Variants in ZNF343 observed in about 807,000 individuals in gnomAD.
ZNF343 encodes the protein zinc finger protein 343.
ZNF343 carries 11 observed loss-of-function variants against 13.8 expected under a neutral mutation model. The observed-to-expected ratio is 0.80, with a 90% confidence interval of 0.50 to 1.32. ZNF343 has a LOEUF of 1.32. Among genes scored for constraint, ZNF343 ranks in the 40% most tolerant of loss-of-function variants. The pLI, the probability that ZNF343 is intolerant of heterozygous loss-of-function variation, is 0.00. For synonymous variants in ZNF343, 248 were observed against 260.0 expected, an observed-to-expected ratio of 0.95 and a Z score of 0.44; for missense variants, 658 against 714.2, an observed-to-expected ratio of 0.92 and a Z score of 0.90.
upstream of ZNF343, among the ~76,000 whole-genome samples, chr20:2,513,256 C>T (rs552238864): frequency 6.6e-6 from 1 of 152,214 alleles, no homozygotes; most frequent in East Asian, 1.9e-4. Flanking sequence ...ATTTCTATGA[C>T]TCAATAACAA....
rs61043105 is a variant in ZNF343 at position 2,519,015 on chromosome 20, C to T, written c.-347+5440G>A. Among the ~76,000 whole-genome samples the T allele has an allele frequency of 9.5e-3, 1,448 of 152,300 alleles. 21 individuals are homozygous for T. Among genetic ancestry groups the T allele is most frequent in the African/African-American group, 0.033 (1,372 of 41,556 alleles). ...TGCCTTGCTTCCCCTTCACCTTCCACCATGATTGTAAGTTTCCTGAGGCCT... is the reference window on the plus strand; with the variant it reads ...TGCCTTGCTTCCCCTTCACCTTCCATCATGATTGTAAGTTTCCTGAGGCCT... On this transcript the variant is annotated intron_variant, in intron 1 of 6. Transcript: ENST00000358413.
intron 2 of ZNF343, among the ~76,000 whole-genome samples, chr20:2,497,458 G>A (rs898508359): frequency 6.6e-6 from 1 of 152,200 alleles, no homozygotes; most frequent in South Asian, 2.1e-4. Context: ...CAGTACTGGA[G>A]CCAAGTGACA....
At chr20:2,498,381 G>A (rs1262942058) in intron 2 of ZNF343, among the ~76,000 whole-genome samples, 1 of 152,200 alleles carries the variant, frequency 6.6e-6, no homozygotes, top group Non-Finnish European at 1.5e-5. Flanking sequence ...GTGCTTTGGT[G>A]CTGAAGAAGA....
chr20:2,511,785 A>G (rs1175999791), upstream of ZNF343, among the ~76,000 whole-genome samples: 1 of 152,246 alleles, frequency 6.6e-6, no homozygotes, highest in African/African-American at 2.4e-5. Context: ...CATGGGATGC[A>G]ATTATGACAG....
In ZNF343 at chr20:2,484,176, G is replaced by A. The variant is rs752788583; in HGVS notation, c.785C>T (p.Thr262Ile). 1 of 1,614,176 alleles carries A rather than the reference G, an allele frequency of 6.2e-7. No individual in the cohort carries two copies. The change falls in exon 6 of 6, where the codon ACC (threonine) becomes ATC (isoleucine). Residue 262 changes from threonine (T) to isoleucine (I), a missense_variant. By Grantham distance (89) the Thr-to-Ile change is moderately conservative (BLOSUM62 -1). Transcript: ENST00000278772. ...LESNFITNPR[T>I]LLGKKPYICS... ...AATGTAGGGCTTCTTCCCTAAGAGG[G>A]TCCTCGGGTTTGTAATAAAGTTTGA...
intron 2 of ZNF343, among the ~76,000 whole-genome samples, chr20:2,499,337 C>T (rs1386904689): frequency 5.0e-5 from 6 of 120,658 alleles, no homozygotes. Flanking sequence ...TAGTGGCGGG[C>T]ACCTGTAGTC....
intron 1 of ZNF343, among the ~76,000 whole-genome samples, chr20:2,521,666 G>C (rs1466358579): frequency 6.6e-6 from 1 of 152,170 alleles, no homozygotes; most frequent in Non-Finnish European, 1.5e-5. Flanking sequence ...CTAGCCAGTG[G>C]GTATATGGTG....
At chr20:2,494,431 TTC>T in intron 2 of ZNF343, among the ~76,000 whole-genome samples, 1 of 152,200 alleles carries the variant, frequency 6.6e-6, no homozygotes, top group South Asian at 2.1e-4. Context: ...AGAACTCAGC[TTC>T]TGATTCCCCT....
rs375560840 is a variant in ZNF343 at position 2,483,161 on chromosome 20, T to G, written c.1800A>C (p.Ter600CysextTer14). ...CCCCTGCATACACAGGTTTCTCCCG[T>G]CAGTGTGTCCTCTGGTGTCTGATGA... ...SNLIRHQRTH[*>C] Residue 600 changes from the stop codon to cysteine (C), a stop_lost, in exon 6 of 6, where the codon TGA becomes TGC. Coordinates refer to ENST00000278772, the MANE Select transcript of ZNF343 (RefSeq NM_024325.6). The G allele has an allele frequency of 8.0e-5, 128 of 1,601,882 alleles. No individual in the cohort carries two copies. The highest frequency in any genetic ancestry group is 7.8e-4 in the East Asian group (35 of 44,822).
intron 1 of ZNF343, among the ~76,000 whole-genome samples, chr20:2,514,764 T>C (rs2085751916): frequency 1.3e-5 from 2 of 152,072 alleles, no homozygotes; most frequent in Non-Finnish European, 2.9e-5. Context: ...GGCAGATCAC[T>C]TGAAGCCAGG....
chr20:2,488,766 C>T (rs762583007), intron 5 of ZNF343, among the ~76,000 whole-genome samples: 2 of 152,030 alleles, frequency 1.3e-5, no homozygotes, highest in Non-Finnish European at 2.9e-5. Context: ...TTTTTGAGGC[C>T]GTGCATTGTG....
At chr20:2,502,913 A>C (rs1463706283) in intron 1 of ZNF343, among the ~76,000 whole-genome samples, 2 of 152,224 alleles carry the variant, frequency 1.3e-5, no homozygotes, top group African/African-American at 2.4e-5. Flanking sequence ...ACTAACGAGC[A>C]AAATAACCAG....
chr20:2,483,133 T>C lies in ZNF343; in HGVS notation c.*28A>G, dbSNP rs1600016482. On this transcript the variant is annotated 3_prime_UTR_variant, in exon 6 of 6. Transcript: ENST00000278772. ...TGACTGGTCACTCAGGTCTTGTTCA[T>C]GACCCCTGCATACACAGGTTTCTCC... 2 of 1,576,274 alleles carry C rather than the reference T, an allele frequency of 1.3e-6. No homozygotes were observed. Among genetic ancestry groups the C allele is most frequent in the Admixed American group, 1.8e-5 (1 of 57,028 alleles).
In ZNF343 at chr20:2,499,464, C is replaced by CA. The variant is rs35155995; in HGVS notation, c.-150+1191dup. ...TGGGCGACAGAGCGAGACTCCGTCT[C>CA]AAAAAAAAAAAAAAAAAAAAAAAAA... On this transcript the variant is annotated intron_variant, in intron 2 of 5. Transcript: ENST00000278772. Among the ~76,000 whole-genome samples, 264 of 66,528 alleles carry CA rather than the reference C, an allele frequency of 4.0e-3. 7 individuals carry two copies. Among genetic ancestry groups the CA allele is most frequent in the East Asian group, 0.014 (26 of 1,872 alleles). The allele number at this position is 66,528 out of a possible 152,430, so 43.6% of individuals were successfully genotyped here. A position where few individuals can be genotyped will look rare whatever the true frequency, so the allele number is the denominator to read the frequency against.
At chr20:2,507,980 A>G (rs1700827446) in intron 1 of ZNF343, among the ~76,000 whole-genome samples, 1 of 152,120 alleles carries the variant, frequency 6.6e-6, no homozygotes, top group Non-Finnish European at 1.5e-5. Context: ...TGTGAGGGAA[A>G]AGCAGTCCAG....
chr20:2,515,852 C>T (rs746403298), intron 1 of ZNF343, among the ~76,000 whole-genome samples: 2 of 152,016 alleles, frequency 1.3e-5, no homozygotes, highest in South Asian at 2.1e-4. Flanking sequence ...CCAGAGTGAG[C>T]GTCACACAGT....
At chr20:2,489,904 C>T (rs536020967) in intron 5 of ZNF343, among the ~76,000 whole-genome samples, 68 of 152,002 alleles carry the variant, frequency 4.5e-4, no homozygotes, top group Non-Finnish European at 7.6e-4. Context: ...GCAATCCCAG[C>T]ACTCTGGGAG....
upstream of ZNF343, among the ~76,000 whole-genome samples, chr20:2,510,255 G>GGAC (rs2085730566): frequency 6.6e-6 from 1 of 152,124 alleles, no homozygotes; most frequent in Admixed American, 6.6e-5. Flanking sequence ...TTAATTTTGA[G>GGAC]GACATGTTTG....
chr20:2,489,666 T>C (rs990108982), intron 5 of ZNF343, among the ~76,000 whole-genome samples: 5 of 152,158 alleles, frequency 3.3e-5, no homozygotes, highest in African/African-American at 1.2e-4. Context: ...CAAGAGGTAA[T>C]GTGAGAAATG....
Sources: gnomAD v4.1 joint callset for allele counts (sites outside exome capture counted in the v4.1 genomes callset) on GRCh38, gnomAD v4.1.1 for gene constraint, MANE v1.5 for transcripts, NCBI Gene and HGNC (gene_info 2026-07-23, HGNC 2026-07-21) for gene names.